The following MERTK variants were observed in gnomAD, a reference collection of about 807,000 sequenced individuals.
The protein encoded by MERTK is tyrosine-protein kinase Mer.
Under a neutral mutation model 99.3 loss-of-function variants are expected in MERTK, and 69 were observed. That is an observed-to-expected ratio of 0.70 (90% CI 0.57 to 0.85). The LOEUF (loss-of-function observed/expected upper bound fraction) is 0.85. Among genes scored for constraint, MERTK ranks in the 40% least tolerant of loss-of-function variants. The probability of loss-of-function intolerance (pLI) is 0.00; values close to 1 mark genes in which losing one functional copy is unlikely to be tolerated. For missense variants in MERTK, 1,125 were observed against 1,249.4 expected (o/e 0.90, Z 1.50); for synonymous variants, 426 against 467.6 (o/e 0.91, Z 1.15).
intron 6 of MERTK, among the ~76,000 whole-genome samples, chr2:111,970,844 CCTT>C (rs1676105386): frequency 7.6e-6 from 1 of 131,624 alleles, no homozygotes. Flanking sequence ...TCCTTCTCCT[CCTT>C]CTCCTCCTCC....
In MERTK at chr2:111,965,244, A is replaced by G; in HGVS notation, c.811A>G (p.Thr271Ala). The G allele has an allele frequency of 6.2e-7, 1 of 1,614,232 alleles. No individual in the cohort carries two copies. Residue 271 changes from threonine to alanine, a missense_variant, in exon 5 of 19, where the codon ACC (threonine) becomes GCC (alanine). Transcript: ENST00000295408. Reference sequence around the variant, plus strand: ...TGAGGCCCACAATGACAAAGGGCTGACCGTGTCCAAGGGAGTGCAGATCAA... The same window carrying G: ...TGAGGCCCACAATGACAAAGGGCTGGCCGTGTCCAAGGGAGTGCAGATCAA... ...SCEAHNDKGL[T>A]VSKGVQINIK...
intron 12 of MERTK, 55 bp downstream of exon 12, chr2:112,003,242 G>T: frequency 1.2e-6 from 1 of 835,082 alleles, no homozygotes; most frequent in South Asian, 1.3e-5. Context: ...TAGCAGTTTA[G>T]AATAATTCTT....
At chr2:112,007,423 G>A (rs1345436246) in intron 13 of MERTK, among the ~76,000 whole-genome samples, 1 of 152,144 alleles carries the variant, frequency 6.6e-6, no homozygotes, top group Non-Finnish European at 1.5e-5. Context: ...CAAAGTGCTG[G>A]GATTACAGGC....
At chr2:112,009,474 A>C (rs1677050344) in intron 14 of MERTK, among the ~76,000 whole-genome samples, 1 of 152,212 alleles carries the variant, frequency 6.6e-6, no homozygotes, top group African/African-American at 2.4e-5. Flanking sequence ...TAGTTTAAGC[A>C]TTTGCAGTGG....
chr2:112,019,617 A>G, intron 16 of MERTK, 95 bp downstream of exon 16: 1 of 923,136 alleles, frequency 1.1e-6, no homozygotes, highest in Non-Finnish European at 1.8e-6. Context: ...TAGATAGGCA[A>G]GGAAGCTGCA....
At chr2:112,000,435 A>G (rs914006806) in intron 10 of MERTK, among the ~76,000 whole-genome samples, 1 of 152,146 alleles carries the variant, frequency 6.6e-6, no homozygotes, top group Non-Finnish European at 1.5e-5. Flanking sequence ...GGCTGTGGCC[A>G]TTTCTTAGAC....
intron 8 of MERTK, 120 bp downstream of exon 8, chr2:111,983,113 C>A: frequency 1.8e-6 from 2 of 1,127,774 alleles, no homozygotes; most frequent in Admixed American, 2.0e-5. Flanking sequence ...TTAGGCAAGG[C>A]ACCTTTCAGG....
At chr2:111,971,667 T>C (rs967423416) in intron 6 of MERTK, among the ~76,000 whole-genome samples, 17 of 152,234 alleles carry the variant, frequency 1.1e-4, no homozygotes, top group African/African-American at 4.1e-4. Context: ...GTTTGGAGAA[T>C]ATACTTCACA....
At chr2:111,900,631 C>T (rs1047150668) in intron 1 of MERTK, among the ~76,000 whole-genome samples, 2 of 152,152 alleles carry the variant, frequency 1.3e-5, no homozygotes, top group Non-Finnish European at 2.9e-5. Flanking sequence ...CAACTTTAAT[C>T]AGACAATCAT....
At chr2:111,967,105 C>A (rs890384556) in intron 5 of MERTK, among the ~76,000 whole-genome samples, 3 of 152,190 alleles carry the variant, frequency 2.0e-5, no homozygotes, top group African/African-American at 7.2e-5. Context: ...GACTCACAGT[C>A]CCTGCTGGTG....
At chr2:111,913,438 T>C (rs1004136072) in intron 1 of MERTK, among the ~76,000 whole-genome samples, 3 of 152,246 alleles carry the variant, frequency 2.0e-5, no homozygotes, top group African/African-American at 7.2e-5. Context: ...TCTATGTGTT[T>C]ATTGCTTCAT....
At chr2:111,908,390 G>A (rs1258321674) in intron 1 of MERTK, among the ~76,000 whole-genome samples, 1 of 152,112 alleles carries the variant, frequency 6.6e-6, no homozygotes, top group South Asian at 2.1e-4. Context: ...AAACTCGCCT[G>A]TGTACTCACT....
rs1045423238 is a variant in MERTK at position 111,925,299 on chromosome 2, T to A, written c.62-3821T>A. On this transcript the variant is annotated intron_variant, in intron 1 of 18. Transcript: ENST00000295408. The stretch of plus-strand genomic sequence containing the variant: ...AGATATATATATATATATATTTTTT[T>A]TTTTTTTTTTTTTTTTTTTGAGATG... Among the ~76,000 whole-genome samples the A allele has an allele frequency of 6.8e-3, 644 of 95,088 alleles. 11 individuals carry two copies. Among genetic ancestry groups the A allele is most frequent in the Non-Finnish European group, 7.7e-3 (357 of 46,470 alleles). 62.4% of individuals were successfully genotyped at this position (95,088 alleles called of 152,430 possible). A position where few individuals can be genotyped will look rare whatever the true frequency, so the allele number is the denominator to read the frequency against.
intron 4 of MERTK, among the ~76,000 whole-genome samples, chr2:111,956,468 T>G (rs1208753767): frequency 1.3e-5 from 2 of 152,226 alleles, no homozygotes; most frequent in South Asian, 2.1e-4. Context: ...ACACATTTTA[T>G]ATTTAAATCC....
intron 4 of MERTK, among the ~76,000 whole-genome samples, chr2:111,957,959 C>T (rs1231019166): frequency 1.3e-5 from 2 of 152,190 alleles, no homozygotes; most frequent in Non-Finnish European, 2.9e-5. Flanking sequence ...GATTGTCCTT[C>T]TCTCAAGGGA....
At chr2:112,004,383 G>A (rs1412661595) in intron 13 of MERTK, among the ~76,000 whole-genome samples, 3 of 152,066 alleles carry the variant, frequency 2.0e-5, no homozygotes, top group Non-Finnish European at 4.4e-5. Flanking sequence ...TGTCTAGTGT[G>A]GTGGGGCCAC....
Position 111,971,821 on chromosome 2 carries a change from G to C in MERTK, c.961-3468G>C, listed in dbSNP as rs187918880. Among the ~76,000 whole-genome samples, 350 of 152,302 alleles carry C rather than the reference G, an allele frequency of 2.3e-3. 5 individuals carry two copies. Among genetic ancestry groups the C allele is most frequent in the East Asian group, 7.1e-3 (37 of 5,188 alleles). Reference sequence around the variant, plus strand: ...TGTGCATGTGGTTTAGGTCTTGTTGGTTTAGAGTCTTCAGTCTTCTGTTGC... The same window carrying C: ...TGTGCATGTGGTTTAGGTCTTGTTGCTTTAGAGTCTTCAGTCTTCTGTTGC... On this transcript the variant is annotated intron_variant, in intron 6 of 18. Transcript: ENST00000295408.
chr2:112,010,187 A>T, intron 15 of MERTK, 121 bp downstream of exon 15: 1 of 797,028 alleles, frequency 1.3e-6, no homozygotes, highest in South Asian at 1.3e-5. Flanking sequence ...ACTTTTGTTC[A>T]GTGCTCCCTG....
At chr2:111,905,318 T>A (rs1334132786) in intron 1 of MERTK, among the ~76,000 whole-genome samples, 1 of 152,014 alleles carries the variant, frequency 6.6e-6, no homozygotes, top group Non-Finnish European at 1.5e-5. Context: ...ATGGCCGGCA[T>A]GTGAAACCCT....
Sources: gnomAD v4.1 joint callset for allele counts (sites outside exome capture counted in the v4.1 genomes callset) on GRCh38, gnomAD v4.1.1 for gene constraint, MANE v1.5 for transcripts, NCBI Gene and HGNC (gene_info 2026-07-23, HGNC 2026-07-21) for gene names.